Variants in AGTR1 observed in about 807,000 individuals in gnomAD.
AGTR1 encodes the protein angiotensin II receptor type 1.
In AGTR1, 16 loss-of-function variants were observed where a neutral mutation model predicts 19.4. The observed-to-expected ratio is 0.82, with a 90% CI of 0.56 to 1.25. AGTR1 has a LOEUF of 1.25. Among genes scored for constraint, AGTR1 ranks in the 50% most tolerant of loss-of-function variants. The pLI, the probability that AGTR1 is intolerant of heterozygous loss-of-function variation, is 0.00. For synonymous variants in AGTR1, 153 were observed against 154.9 expected, an observed-to-expected ratio of 0.99 and a Z score of 0.09; for missense variants, 373 against 431.9, an observed-to-expected ratio of 0.86 and a Z score of 1.21.
At chr3:148,718,664 G>GT (rs1713432102) in intron 2 of AGTR1, among the ~76,000 whole-genome samples, 1 of 152,168 alleles carries the variant, frequency 6.6e-6, no homozygotes, top group Non-Finnish European at 1.5e-5. Flanking sequence ...AAGGACATTA[G>GT]TTTTTAAACC....
chr3:148,710,826 G>C (rs957378404), intron 2 of AGTR1, among the ~76,000 whole-genome samples: 2 of 152,062 alleles, frequency 1.3e-5, no homozygotes, highest in African/African-American at 4.8e-5. Context: ...CCTGCAGGCG[G>C]ATCTCTCATG....
intron 2 of AGTR1, among the ~76,000 whole-genome samples, chr3:148,736,381 G>A (rs971137103): frequency 5.9e-5 from 9 of 152,246 alleles, no homozygotes; most frequent in Admixed American, 5.9e-4. Context: ...CAACAGCCTG[G>A]AATTTTTAGA....
chr3:148,719,126 G>C (rs1713463033), intron 2 of AGTR1, among the ~76,000 whole-genome samples: 1 of 152,202 alleles, frequency 6.6e-6, no homozygotes, highest in Non-Finnish European at 1.5e-5. Context: ...AAAGCTGGAA[G>C]TCTCAGCCAG....
chr3:148,738,843 C>T (rs1353824712), intron 2 of AGTR1, among the ~76,000 whole-genome samples: 4 of 152,192 alleles, frequency 2.6e-5, no homozygotes, highest in Admixed American at 1.3e-4. Context: ...AAATTAGTCT[C>T]GATACACTAT....
intron 2 of AGTR1, among the ~76,000 whole-genome samples, chr3:148,709,581 A>G (rs575011245): frequency 2.0e-5 from 3 of 152,312 alleles, no homozygotes; most frequent in South Asian, 4.1e-4. Context: ...TTTGTTTGTC[A>G]AAGAACTGAT....
chr3:148,700,829 A>G (rs1287003293), intron 1 of AGTR1, among the ~76,000 whole-genome samples: 1 of 152,224 alleles, frequency 6.6e-6, no homozygotes, highest in Non-Finnish European at 1.5e-5. Context: ...GGAAAATGCT[A>G]TTAGTTTCCT....
intron 2 of AGTR1, among the ~76,000 whole-genome samples, chr3:148,732,375 G>A (rs1714314116): frequency 6.6e-6 from 1 of 152,194 alleles, no homozygotes; most frequent in Non-Finnish European, 1.5e-5. Flanking sequence ...CTATCCAAAT[G>A]TGCCTGGGAA....
rs1379691590 is a variant in AGTR1, at chr3:148,741,516, T to C, written c.481T>C (p.Leu161=). 6.2e-7 allele frequency: 1 copy of C among 1,614,110 alleles called. No individual in the cohort carries two copies. Among genetic ancestry groups the C allele is most frequent in the Admixed American group, 1.7e-5 (1 of 60,024 alleles). Residue 161 remains leucine (L), a synonymous_variant, in exon 3 of 3, where the codon TTG becomes CTG. Transcript: ENST00000349243. ...IIWLLAGLAS[L]PAIIHRNVFF... ...TTGGCTGCTGGCAGGCTTGGCCAGT[T>C]TGCCAGCTATAATCCATCGAAATGT...
intron 1 of AGTR1, among the ~76,000 whole-genome samples, chr3:148,698,998 T>G (rs796105959): frequency 3.6e-4 from 55 of 151,998 alleles, no homozygotes; most frequent in African/African-American, 8.4e-4. Flanking sequence ...TTTTTTTCTT[T>G]GGGCAACCAT....
intron 2 of AGTR1, among the ~76,000 whole-genome samples, chr3:148,735,773 G>A (rs1253152788): frequency 1.3e-5 from 2 of 152,058 alleles, no homozygotes; most frequent in African/African-American, 4.8e-5. Flanking sequence ...AGAGAGGTGG[G>A]GGAAGCAACA....
intron 2 of AGTR1, among the ~76,000 whole-genome samples, chr3:148,714,077 A>G (rs981217142): frequency 6.6e-6 from 1 of 152,170 alleles, no homozygotes; most frequent in Non-Finnish European, 1.5e-5. Flanking sequence ...AGGATATTAA[A>G]CACTAGGTAT....
At chr3:148,718,566 C>T (rs1171503926) in intron 2 of AGTR1, among the ~76,000 whole-genome samples, 1 of 152,172 alleles carries the variant, frequency 6.6e-6, no homozygotes, top group African/African-American at 2.4e-5. Context: ...AGGCCACCAG[C>T]AAGTGTCACC....
intron 2 of AGTR1, chr3:148,731,478 G>A (rs1045499599): frequency 1.3e-5 from 2 of 152,006 alleles, no homozygotes; most frequent in African/African-American, 2.4e-5. Context: ...CTGAACTTCC[G>A]AATAAAAAAA....
At chr3:148,730,782 A>T (rs148577601) in intron 2 of AGTR1, among the ~76,000 whole-genome samples, 157 of 152,278 alleles carry the variant, frequency 1.0e-3, no homozygotes, top group African/African-American at 3.6e-3. Context: ...CCAGAGATTT[A>T]CATCTCTAAC....
At chr3:148,707,616 CATTTCTTA>C (rs879780516) in intron 1 of AGTR1, among the ~76,000 whole-genome samples, 68,135 of 151,866 alleles carry the variant, frequency 0.45, 17,645 homozygotes, top group African/African-American at 0.73. Context: ...CATTTATAGA[CATTTCTTA>C]CATGTCTATA....
At chr3:148,707,232 A>G (rs1246228726) in intron 1 of AGTR1, among the ~76,000 whole-genome samples, 1 of 152,080 alleles carries the variant, frequency 6.6e-6, no homozygotes, top group Non-Finnish European at 1.5e-5. Context: ...AAAAGAAAAA[A>G]CTATAGATAT....
rs1714935143 is a variant in AGTR1 at position 148,741,990 on chromosome 3, T to C, written c.955T>C (p.Tyr319His). Residue 319 changes from tyrosine (Y) to histidine (H), a missense_variant, in exon 3 of 3, where the codon TAT (tyrosine) becomes CAT (histidine). Transcript: ENST00000349243. ...FKRYFLQLLK[Y>H]IPPKAKSHSN... ...AAGATATTTTCTCCAGCTTCTAAAA[T>C]ATATTCCCCCAAAAGCCAAATCCCA... 6.2e-7 allele frequency: 1 copy of C among 1,613,674 alleles called. No homozygotes were observed. The highest frequency in any genetic ancestry group is 8.5e-7 in the Non-Finnish European group (1 of 1,179,918).
intron 2 of AGTR1, among the ~76,000 whole-genome samples, chr3:148,735,867 T>C (rs1214600647): frequency 6.6e-6 from 1 of 152,232 alleles, no homozygotes; most frequent in Non-Finnish European, 1.5e-5. Context: ...GGATGGTTTA[T>C]TGAGCTGTCC....
intron 2 of AGTR1, chr3:148,730,014 A>ATTGGTGTATC (rs1205404058): frequency 2.7e-6 from 1 of 376,638 alleles, no homozygotes; most frequent in Admixed American, 4.5e-5. Flanking sequence ...CCACAGTGTG[A>ATTGGTGTATC]ACTTAATAAC....
Sources: gnomAD v4.1 joint callset for allele counts (sites outside exome capture counted in the v4.1 genomes callset) on GRCh38, gnomAD v4.1.1 for gene constraint, MANE v1.5 for transcripts, NCBI Gene and HGNC (gene_info 2026-07-23, HGNC 2026-07-21) for gene names.